Variants in OVOL2 observed in about 807,000 individuals in gnomAD.
OVOL2 encodes the protein ovo like zinc finger 2.
OVOL2 carries 13 observed loss-of-function variants against 18.1 expected under a neutral mutation model. That is an observed-to-expected ratio of 0.72 (90% CI 0.47 to 1.14). The LOEUF (loss-of-function observed/expected upper bound fraction) is 1.14, where lower values mean the gene tolerates loss of function less well. Among genes scored for constraint, OVOL2 ranks in the 50% most tolerant of loss-of-function variants. The pLI, the probability that OVOL2 is intolerant of heterozygous loss-of-function variation, is 0.00. For synonymous variants in OVOL2, 166 were observed against 162.7 expected (o/e 1.02, Z -0.16); for missense variants, 335 against 383.0 (o/e 0.87, Z 1.05).
chr20:18,043,867 A>C (rs1007936949), intron 2 of OVOL2, among the ~76,000 whole-genome samples: 1 of 152,184 alleles, frequency 6.6e-6, no homozygotes, highest in Non-Finnish European at 1.5e-5. Context: ...TGTGATGTGA[A>C]TGTTACCAAA....
intron 3 of OVOL2, among the ~76,000 whole-genome samples, chr20:18,039,658 A>G (rs1332503278): frequency 6.6e-6 from 1 of 151,780 alleles, no homozygotes; most frequent in Non-Finnish European, 1.5e-5. Context: ...AAGTTTTAAA[A>G]GAGGAAAACA....
At chr20:18,037,403 A>G (rs1279189535) in intron 3 of OVOL2, among the ~76,000 whole-genome samples, 1 of 152,244 alleles carries the variant, frequency 6.6e-6, no homozygotes, top group Non-Finnish European at 1.5e-5. Flanking sequence ...TTGAGATGAC[A>G]GGATAAAGGC....
At chr20:18,044,048 G>T (rs1053983623) in intron 2 of OVOL2, among the ~76,000 whole-genome samples, 8 of 152,094 alleles carry the variant, frequency 5.3e-5, no homozygotes, top group African/African-American at 1.9e-4. Flanking sequence ...CCTTGCCGAT[G>T]CAGCCTTCTC....
At chr20:18,039,406 G>C (rs190086911) in intron 3 of OVOL2, among the ~76,000 whole-genome samples, 1 of 152,164 alleles carries the variant, frequency 6.6e-6, no homozygotes, top group African/African-American at 2.4e-5. Flanking sequence ...TGGATGGCTT[G>C]AGCCCAGGAG....
intron 3 of OVOL2, among the ~76,000 whole-genome samples, chr20:18,037,008 C>T (rs944862552): frequency 2.6e-5 from 4 of 151,724 alleles, no homozygotes; most frequent in African/African-American, 4.8e-5. Flanking sequence ...TGGTAGCGGG[C>T]GCCTGTAGTC....
In OVOL2 at chr20:18,024,726, T is replaced by C. The variant is rs2036494256; in HGVS notation, c.738A>G (p.Thr246=). The change falls in exon 4 of 4, where the codon ACA becomes ACG. Residue 246 remains threonine (T), a synonymous_variant. Transcript: ENST00000278780. The part of the protein sequence containing the change: ...AHPGSSFLKK[T]SKKLAALLQG... ...GCAGAAGGGCTGCCAGTTTTTTAGA[T>C]GTCTTTTTGAGAAACGAGCTGCCCG... is the stretch of plus-strand genomic sequence containing the variant. The C allele has an allele frequency of 6.2e-7, 1 of 1,614,050 alleles. No homozygotes were observed. Among genetic ancestry groups the C allele is most frequent in the East Asian group, 2.2e-5 (1 of 44,900 alleles).
chr20:18,029,198 T>G (rs2036545583), intron 3 of OVOL2, among the ~76,000 whole-genome samples: 1 of 152,058 alleles, frequency 6.6e-6, no homozygotes, highest in African/African-American at 2.4e-5. Context: ...AGCTAACTTT[T>G]GTATTTTTTT....
At chr20:18,032,843 A>G (rs1178216728) in intron 3 of OVOL2, among the ~76,000 whole-genome samples, 1 of 152,212 alleles carries the variant, frequency 6.6e-6, no homozygotes, top group Non-Finnish European at 1.5e-5. Context: ...AATATACATT[A>G]AAAACTTTTG....
intron 3 of OVOL2, among the ~76,000 whole-genome samples, chr20:18,030,891 C>A (rs1934586819): frequency 6.6e-6 from 1 of 152,192 alleles, no homozygotes; most frequent in South Asian, 2.1e-4. Flanking sequence ...ATGCGGCAGC[C>A]CCTTGGTGAC....
At chr20:18,036,969 T>C (rs2036620407) in intron 3 of OVOL2, among the ~76,000 whole-genome samples, 1 of 151,764 alleles carries the variant, frequency 6.6e-6, no homozygotes, top group Non-Finnish European at 1.5e-5. Context: ...ACCCCGTCTC[T>C]ACTGAAAATA....
chr20:18,048,915 G>A (rs2122720164), intron 2 of OVOL2, among the ~76,000 whole-genome samples: 1 of 152,204 alleles, frequency 6.6e-6, no homozygotes, highest in South Asian at 2.1e-4. Flanking sequence ...GCCAGGGGTG[G>A]TTTTTACACC....
chr20:18,051,723 T>G (rs181159836), intron 2 of OVOL2, among the ~76,000 whole-genome samples: 12 of 152,304 alleles, frequency 7.9e-5, no homozygotes, highest in Admixed American at 5.9e-4. Flanking sequence ...ATGTCGCTAG[T>G]AGGACTGAAG....
chr20:18,032,814 A>T (rs1400189128), intron 3 of OVOL2, among the ~76,000 whole-genome samples: 2 of 152,114 alleles, frequency 1.3e-5, no homozygotes, highest in Non-Finnish European at 2.9e-5. Flanking sequence ...GCTCCAAGAT[A>T]TATATTATGT....
intron 2 of OVOL2, among the ~76,000 whole-genome samples, chr20:18,042,794 A>AG (rs34014939): frequency 6.7e-5 from 10 of 150,090 alleles, no homozygotes; most frequent in African/African-American, 2.5e-4. Flanking sequence ...AAAAAAAAAA[A>AG]GAGCCCGGCA....
intron 3 of OVOL2, among the ~76,000 whole-genome samples, chr20:18,035,746 G>A (rs1008037057): frequency 6.6e-6 from 1 of 152,116 alleles, no homozygotes; most frequent in Admixed American, 6.5e-5. Flanking sequence ...GGTCGGGATG[G>A]GGTAAATAGG....
chr20:18,041,894 C>T (rs2036673602), intron 2 of OVOL2, among the ~76,000 whole-genome samples, 171 bp from the exon 3 acceptor site: 1 of 143,092 alleles, frequency 7.0e-6, no homozygotes, highest in African/African-American at 2.7e-5. Flanking sequence ...ACTGGCAGTT[C>T]CTCCCACCCT....
intron 2 of OVOL2, among the ~76,000 whole-genome samples, chr20:18,048,866 T>G (rs1163341554): frequency 6.6e-6 from 1 of 152,178 alleles, no homozygotes; most frequent in Non-Finnish European, 1.5e-5. Flanking sequence ...AATATGGAAA[T>G]TATTAATATA....
At chr20:18,054,466 G>T (rs2036798512) in intron 2 of OVOL2, among the ~76,000 whole-genome samples, 1 of 152,216 alleles carries the variant, frequency 6.6e-6, no homozygotes. Flanking sequence ...TTCTTGGCTG[G>T]ATGCGGTGGC....
At chr20:18,025,322 C>T (rs1568629844) in intron 3 of OVOL2, among the ~76,000 whole-genome samples, 1 of 152,176 alleles carries the variant, frequency 6.6e-6, no homozygotes, top group Non-Finnish European at 1.5e-5. Flanking sequence ...AATCCCAGCA[C>T]TTTGGGAGGC....
Sources: allele counts gnomAD v4.1 joint callset (sites outside exome capture counted in the v4.1 genomes callset), GRCh38; gene constraint gnomAD v4.1.1; transcripts MANE v1.5; gene names NCBI Gene and HGNC (gene_info 2026-07-23, HGNC 2026-07-21).